The following TSLP variants were observed in gnomAD, a reference collection of about 807,000 sequenced individuals.
TSLP encodes the protein thymic stromal lymphopoietin.
In TSLP, 12 loss-of-function variants were observed where a neutral mutation model predicts 12.4. The observed-to-expected ratio is 0.97, with a 90% CI of 0.62 to 1.57. TSLP has a LOEUF of 1.57. Among genes scored for constraint, TSLP ranks in the 40% most tolerant of loss-of-function variants. The pLI is 0.00. For missense variants in TSLP, 222 were observed against 189.6 expected (o/e 1.17, Z -1.00); for synonymous variants, 97 against 69.5 (o/e 1.40, Z -1.97).
intron 1 of TSLP, 36 bp from the exon 2 acceptor site, chr5:111,072,852 T>A (rs1442447237): frequency 6.2e-7 from 1 of 1,610,916 alleles, no homozygotes; most frequent in African/African-American, 1.3e-5. Context: ...GACTTAAAAG[T>A]CTTTACCCTC....
At position 111,071,749 on chromosome 5, in the gene TSLP, G is replaced by A. The variant is rs572133933; in HGVS notation, c.-142G>A. On this transcript the variant is annotated 5_prime_UTR_variant, in exon 1 of 4. Transcript: ENST00000344895. Reference sequence around the variant, plus strand: ...TCCAACTTAAGGCAACAGCATGGGTGAATAAGGGCTTCCTGTGGACTGGCA... The same window carrying A: ...TCCAACTTAAGGCAACAGCATGGGTAAATAAGGGCTTCCTGTGGACTGGCA... 1.6e-5 allele frequency: 20 copies of A among 1,247,334 alleles called. No individual in the cohort carries two copies. The East Asian group carries it at 4.2e-4, about 26-fold the overall frequency. The allele number at this position is 1,247,334 out of a possible 1,614,324, so 77.3% of individuals were successfully genotyped here.
At position 111,072,974 on chromosome 5, in the gene TSLP, C is replaced by T. The variant is rs763298531; in HGVS notation, c.216+42C>T. 5.0e-6 allele frequency: 8 copies of T among 1,608,106 alleles called. No homozygotes were observed. The African/African-American group carries it at 5.3e-5, about 11-fold the overall frequency. On this transcript the variant is annotated intron_variant, in intron 2 of 3. Coordinates refer to ENST00000344895, the MANE Select transcript of TSLP (RefSeq NM_033035.5). ...GTGCTGCTGGCTTTCTCCAGGGAGA[C>T]GCCAGGCATTTTGGAGAGGGAGTAT...
chr5:111,071,273 C>G (rs906227807), upstream of TSLP: 4 of 562,116 alleles, frequency 7.1e-6, no homozygotes, highest in Non-Finnish European at 1.2e-5. Context: ...CAGTTTCTTA[C>G]TAGCCAAGGA....
intron 3 of TSLP, among the ~76,000 whole-genome samples, chr5:111,074,236 ATGGAGATAGTGTAG>A (rs1236145824): frequency 8.5e-5 from 13 of 152,224 alleles, no homozygotes; most frequent in African/African-American, 3.1e-4. Context: ...AGCATTAAAT[ATGGAGATAGTGTAG>A]TGGAAAGTTA....
rs1335124536 is a variant in TSLP, at chr5:111,077,811, T to G, written c.*1737T>G. 6.6e-6 allele frequency: 1 copy of G among 152,628 alleles called. No homozygotes were observed. The highest frequency in any genetic ancestry group is 1.5e-5 in the Non-Finnish European group (1 of 68,048). The allele number at this position is 152,628 out of a possible 1,614,324, so 9.5% of individuals were successfully genotyped here. A position where few individuals can be genotyped will look rare whatever the true frequency, so the allele number is the denominator to read the frequency against. ...TATGTGTTCCATAGATATCTTAATG[T>G]AAAATTAGTCATTTAAATTACACTG... On this transcript the variant is annotated 3_prime_UTR_variant, in exon 4 of 4. Coordinates refer to ENST00000344895, the MANE Select transcript of TSLP (RefSeq NM_033035.5).
At position 111,077,870 on chromosome 5, in the gene TSLP, T is replaced by C. The variant is rs1277011323; in HGVS notation, c.*1796T>C. On this transcript the variant is annotated 3_prime_UTR_variant, in exon 4 of 4. Transcript: ENST00000344895. ...AAGTAATGGGCAAGAGATTGCATCA[T>C]ACTAATTTAGTAAGAACGTTCCCAA... The C allele has an allele frequency of 6.6e-6, 1 of 152,638 alleles. No homozygotes were observed. The highest frequency in any genetic ancestry group is 2.1e-4 in the South Asian group (1 of 4,826). The allele number at this position is 152,638 out of a possible 1,614,324, so 9.5% of individuals were successfully genotyped here. A position where few individuals can be genotyped will look rare whatever the true frequency, so the allele number is the denominator to read the frequency against.
chr5:111,076,129 G>C lies in TSLP; in HGVS notation c.*55G>C. The C allele has an allele frequency of 6.3e-7, 1 of 1,579,708 alleles. No individual in the cohort carries two copies. Among genetic ancestry groups the C allele is most frequent in the Admixed American group, 1.7e-5 (1 of 57,324 alleles). On this transcript the variant is annotated 3_prime_UTR_variant, in exon 4 of 4. Transcript: ENST00000344895. ...CACCAAAATAAATCATCTTTATTAA[G>C]TAGATGAAACATTAACTCTAACTGT...
rs775918286 is a variant in TSLP at position 111,076,147 on chromosome 5, C to CT, written c.*74dup. On this transcript the variant is annotated 3_prime_UTR_variant, in exon 4 of 4. Transcript: ENST00000344895. ...TTATTAAGTAGATGAAACATTAACT[C>CT]TAACTGTGACAAAGAAGACCACAAA... The CT allele has an allele frequency of 3.3e-6, 5 of 1,510,930 alleles. No individual in the cohort carries two copies. The highest frequency in any genetic ancestry group is 4.5e-6 in the Non-Finnish European group (5 of 1,102,570). The allele number at this position is 1,510,930 out of a possible 1,614,324, so 93.6% of individuals were successfully genotyped here.
At chr5:111,071,278 C>A, upstream of TSLP, 1 of 584,426 alleles carries the variant, frequency 1.7e-6, no homozygotes, top group Non-Finnish European at 2.7e-6. Flanking sequence ...TCTTACTAGC[C>A]AAGGAGAAGG....
At chr5:111,074,565 G>T (rs964825526) in intron 3 of TSLP, among the ~76,000 whole-genome samples, 18 of 151,388 alleles carry the variant, frequency 1.2e-4, no homozygotes, top group Non-Finnish European at 2.6e-4. Flanking sequence ...ATGTTTGATT[G>T]CTCCTTATTA....
Position 111,071,908 on chromosome 5 carries a change from A to T in TSLP, c.18A>T (p.Leu6Phe). ...GTCCACGTATGTTCCCTTTTGCCTTACTATATGTTCTGTCAGTTTCTTTCA... is the reference window on the plus strand; with the variant it reads ...GTCCACGTATGTTCCCTTTTGCCTTTCTATATGTTCTGTCAGTTTCTTTCA... The part of the protein sequence containing the change: MFPFA[L>F]LYVLSVSFRK... Residue 6 changes from leucine to phenylalanine, a missense_variant, in exon 1 of 4, where the codon TTA becomes TTT. Transcript: ENST00000344895. 4.3e-6 allele frequency: 7 copies of T among 1,614,134 alleles called. No homozygotes were observed. The highest frequency in any genetic ancestry group is 5.9e-6 in the Non-Finnish European group (7 of 1,179,966).
chr5:111,072,838 T>G (rs779241391), intron 1 of TSLP, 50 bp from the exon 2 acceptor site: 1 of 1,592,674 alleles, frequency 6.3e-7, no homozygotes, highest in South Asian at 1.1e-5. Flanking sequence ...TGATTTTCCT[T>G]GTGGACTTAA....
chr5:111,077,456 G>A lies in TSLP; in HGVS notation c.*1382G>A, dbSNP rs1451935322. On this transcript the variant is annotated 3_prime_UTR_variant, in exon 4 of 4. Transcript: ENST00000344895. The stretch of plus-strand genomic sequence containing the variant: ...GTCCAGAGAAGCTCAGGGTATAGCT[G>A]AATAGGCAGTTTCTTTTGTCCTGAG... The A allele has an allele frequency of 6.6e-6, 1 of 152,196 alleles. No homozygotes were observed. The highest frequency in any genetic ancestry group is 6.5e-5 in the Admixed American group (1 of 15,282). 9.4% of individuals were successfully genotyped at this position (152,196 alleles called of 1,614,324 possible).
intron 3 of TSLP, among the ~76,000 whole-genome samples, chr5:111,074,132 C>G (rs962959358): frequency 1.3e-5 from 2 of 152,188 alleles, no homozygotes; most frequent in African/African-American, 4.8e-5. Flanking sequence ...CATAAAATCT[C>G]TATCCTATGT....
In TSLP at chr5:111,077,661, C is replaced by T. The variant is rs536936685; in HGVS notation, c.*1587C>T. 1.3e-5 allele frequency: 2 copies of T among 152,702 alleles called. No homozygotes were observed. Among genetic ancestry groups the T allele is most frequent in the African/African-American group, 2.4e-5 (1 of 41,564 alleles). 9.5% of individuals were successfully genotyped at this position (152,702 alleles called of 1,614,324 possible). On this transcript the variant is annotated 3_prime_UTR_variant, in exon 4 of 4. Coordinates refer to ENST00000344895, the MANE Select transcript of TSLP (RefSeq NM_033035.5). ...ATAATTTTTCACAAAATTTTGGGCCCAATTCCCCTAAAAGAATTGAGGATT... is the reference window on the plus strand; with the variant it reads ...ATAATTTTTCACAAAATTTTGGGCCTAATTCCCCTAAAAGAATTGAGGATT...
chr5:111,073,192 C>T, intron 2 of TSLP: 2 of 1,017,262 alleles, frequency 2.0e-6, no homozygotes, highest in Non-Finnish European at 2.7e-6. Flanking sequence ...TTGTTAGGGG[C>T]ACCACCTGCT....
In TSLP at chr5:111,077,887, C is replaced by T. The variant is rs540389274; in HGVS notation, c.*1813C>T. 2.0e-5 allele frequency: 3 copies of T among 152,450 alleles called. No homozygotes were observed. Among genetic ancestry groups the T allele is most frequent in the East Asian group, 1.9e-4 (1 of 5,158 alleles). 9.4% of individuals were successfully genotyped at this position (152,450 alleles called of 1,614,324 possible). A position where few individuals can be genotyped will look rare whatever the true frequency, so the allele number is the denominator to read the frequency against. ...TTGCATCATACTAATTTAGTAAGAA[C>T]GTTCCCAAATGTTGTAACAATGTGG... On this transcript the variant is annotated 3_prime_UTR_variant, in exon 4 of 4. Transcript: ENST00000344895.
upstream of TSLP, chr5:111,071,560 T>C: frequency 1.3e-6 from 2 of 1,519,380 alleles, no homozygotes; most frequent in Non-Finnish European, 1.8e-6. Context: ...TAAAATTCCA[T>C]AGATTTAGCT....
chr5:111,074,627 C>CTT (rs35180980), intron 3 of TSLP, among the ~76,000 whole-genome samples: 1,862 of 110,256 alleles, frequency 0.017, 81 homozygotes, highest in African/African-American at 0.053. Context: ...ACGACTGTCA[C>CTT]TTTTTTTTTT....
Sources: allele counts gnomAD v4.1 joint callset (sites outside exome capture counted in the v4.1 genomes callset), GRCh38; gene constraint gnomAD v4.1.1; transcripts MANE v1.5; gene names NCBI Gene and HGNC (gene_info 2026-07-23, HGNC 2026-07-21).